The following ZNF423 variants were observed in gnomAD, a reference collection of about 807,000 sequenced individuals.
ZNF423 encodes the protein Ebf-associated zinc finger protein.
ZNF423 carries 12 observed loss-of-function variants against 95.8 expected under a neutral mutation model. The observed-to-expected ratio is 0.13, with a 90% CI of 0.08 to 0.20. The LOEUF (loss-of-function observed/expected upper bound fraction) is 0.20, where lower values mean the gene tolerates loss of function less well. ZNF423 is among the 10% of genes least tolerant of loss of function. The pLI, the probability that ZNF423 is intolerant of heterozygous loss-of-function variation, is 1.00. For missense variants in ZNF423, 1,316 were observed against 1,737.1 expected (o/e 0.76, Z 4.31); for synonymous variants, 749 against 711.9 (o/e 1.05, Z -0.83).
chr16:49,610,937 T>C (rs1346269392), intron 5 of ZNF423, among the ~76,000 whole-genome samples: 3 of 151,990 alleles, frequency 2.0e-5, no homozygotes, highest in Non-Finnish European at 2.9e-5. Flanking sequence ...TAAACAATGA[T>C]AAAGGGGTCA....
At chr16:49,830,811 C>T (rs887513284) in intron 1 of ZNF423, among the ~76,000 whole-genome samples, 1 of 152,112 alleles carries the variant, frequency 6.6e-6, no homozygotes, top group African/African-American at 2.4e-5. Flanking sequence ...CAGCTAAGTT[C>T]TCTGCAGCCA....
chr16:49,627,836 A>C (rs1207074110), intron 4 of ZNF423, among the ~76,000 whole-genome samples: 1 of 141,410 alleles, frequency 7.1e-6, no homozygotes, highest in Non-Finnish European at 1.5e-5. Context: ...ACACCCATCC[A>C]TCCACCCATT....
intron 7 of ZNF423, among the ~76,000 whole-genome samples, chr16:49,501,731 C>T (rs1181406294): frequency 6.6e-6 from 1 of 152,040 alleles, no homozygotes; most frequent in Non-Finnish European, 1.5e-5. Context: ...TTTGCAGCAA[C>T]ATGGATGCAG....
At chr16:49,688,617 G>A (rs115533970) in intron 3 of ZNF423, among the ~76,000 whole-genome samples, 2 of 152,142 alleles carry the variant, frequency 1.3e-5, no homozygotes, top group African/African-American at 2.4e-5. Context: ...CCAAAACAGC[G>A]GTACATTTCA....
At chr16:49,648,290 C>A (rs916216344) in intron 3 of ZNF423, among the ~76,000 whole-genome samples, 1 of 152,088 alleles carries the variant, frequency 6.6e-6, no homozygotes, top group Admixed American at 6.5e-5. Context: ...TCCAAGCAAA[C>A]TGTGGAAGGT....
intron 3 of ZNF423, among the ~76,000 whole-genome samples, chr16:49,708,537 G>A (rs12927447): frequency 0.13 from 19,316 of 152,022 alleles, 1,380 homozygotes; most frequent in Non-Finnish European, 0.17. Flanking sequence ...TGATCTGCCC[G>A]TCTCGGCTTC....
intron 2 of ZNF423, among the ~76,000 whole-genome samples, chr16:49,751,877 TC>T (rs1414408052): frequency 1.3e-5 from 2 of 152,160 alleles, no homozygotes; most frequent in African/African-American, 2.4e-5. Flanking sequence ...CTGTTTTTCT[TC>T]CTTCCAAGGC....
upstream of ZNF423, among the ~76,000 whole-genome samples, chr16:49,857,048 G>A (rs1374669171): frequency 6.7e-6 from 1 of 150,358 alleles, no homozygotes; most frequent in Non-Finnish European, 1.5e-5. This position sits in a 1 kb window ranked among gnomAD's most constrained non-coding sequence, Gnocchi z 6.2. Context: ...CTTCTTTGTG[G>A]TCGCTGGCTC....
chr16:49,706,526 C>G (rs1157121610), intron 3 of ZNF423, among the ~76,000 whole-genome samples: 1 of 152,250 alleles, frequency 6.6e-6, no homozygotes, highest in Non-Finnish European at 1.5e-5. Flanking sequence ...GTGAACTGGG[C>G]CCAGGGCCAC....
chr16:49,816,831 G>C (rs1378104868), intron 1 of ZNF423, among the ~76,000 whole-genome samples: 1 of 152,102 alleles, frequency 6.6e-6, no homozygotes, highest in Non-Finnish European at 1.5e-5. Flanking sequence ...TCTTAGTCTA[G>C]AGGAGAGGCC....
chr16:49,496,626 G>C (rs1044147701), intron 7 of ZNF423, among the ~76,000 whole-genome samples: 2 of 152,216 alleles, frequency 1.3e-5, no homozygotes, highest in African/African-American at 4.8e-5. Context: ...CCAGCCTCAA[G>C]TATTTCTTTA....
chr16:49,501,813 T>C (rs1175472793), intron 7 of ZNF423, among the ~76,000 whole-genome samples: 1 of 149,534 alleles, frequency 6.7e-6, no homozygotes, highest in Non-Finnish European at 1.5e-5. Context: ...CACTCATAAG[T>C]GGGAGTTAAA....
In ZNF423 at chr16:49,489,688, T is replaced by C. The variant is rs2075859108; in HGVS notation, c.*1587A>G. On this transcript the variant is annotated 3_prime_UTR_variant, in exon 8 of 8. Coordinates refer to ENST00000563137, the MANE Select transcript of ZNF423 (RefSeq NM_001379286.1). ...CCGTGACTTAGTATTACATTATAATTAGGTGCAATCTGTCTGCCTGTTTCA... is the reference window on the plus strand; with the variant it reads ...CCGTGACTTAGTATTACATTATAATCAGGTGCAATCTGTCTGCCTGTTTCA... 1 of 152,246 alleles carries C rather than the reference T, an allele frequency of 6.6e-6. No individual in the cohort carries two copies. Among genetic ancestry groups the C allele is most frequent in the African/African-American group, 2.4e-5 (1 of 41,460 alleles). The allele number at this position is 152,246 out of a possible 1,614,324, so 9.4% of individuals were successfully genotyped here.
At chr16:49,544,869 G>A (rs563546500) in intron 5 of ZNF423, among the ~76,000 whole-genome samples, 7 of 152,386 alleles carry the variant, frequency 4.6e-5, no homozygotes, top group African/African-American at 1.2e-4. Context: ...GCGCCCAAGC[G>A]CAGGGTGCAG....
At chr16:49,589,884 C>T (rs894890584) in intron 5 of ZNF423, among the ~76,000 whole-genome samples, 16 of 151,874 alleles carry the variant, frequency 1.1e-4, no homozygotes, top group Non-Finnish European at 7.4e-5. Context: ...AGGTAGGCTC[C>T]GCAGACCTTG....
At chr16:49,849,884 A>G (rs747747902) in intron 1 of ZNF423, among the ~76,000 whole-genome samples, 31 of 152,180 alleles carry the variant, frequency 2.0e-4, no homozygotes, top group Non-Finnish European at 3.5e-4. Flanking sequence ...GCACCAATCT[A>G]TAACGCTGGG....
intron 3 of ZNF423, among the ~76,000 whole-genome samples, chr16:49,665,396 C>G (rs186089187): frequency 6.6e-6 from 1 of 152,142 alleles, no homozygotes; most frequent in Non-Finnish European, 1.5e-5. Flanking sequence ...ACATTTGATC[C>G]CCTGTGTTTG....
intron 3 of ZNF423, among the ~76,000 whole-genome samples, chr16:49,639,656 T>C (rs1378086904): frequency 1.3e-5 from 2 of 152,040 alleles, no homozygotes; most frequent in Non-Finnish European, 2.9e-5. Flanking sequence ...GATGGAGAGA[T>C]GGTGACAGTG....
intron 3 of ZNF423, among the ~76,000 whole-genome samples, chr16:49,720,360 C>T (rs1215500536): frequency 6.6e-6 from 1 of 152,184 alleles, no homozygotes; most frequent in Non-Finnish European, 1.5e-5. Flanking sequence ...GCACCTCCTG[C>T]CAGAAAACAT....
Sources: allele counts gnomAD v4.1 joint callset (sites outside exome capture counted in the v4.1 genomes callset), GRCh38; gene constraint gnomAD v4.1.1; non-coding constraint Gnocchi (gnomAD v3.1); transcripts MANE v1.5; gene names NCBI Gene and HGNC (gene_info 2026-07-23, HGNC 2026-07-21).